GYPC: variants seen among roughly 807,000 people sequenced by gnomAD.
GYPC encodes glycophorin-C.
GYPC carries 14 observed loss-of-function variants against 12.6 expected under a neutral mutation model. The observed-to-expected ratio is 1.11, with a 90% CI of 0.74 to 1.74. The LOEUF (loss-of-function observed/expected upper bound fraction) is 1.74. Ranked by LOEUF, GYPC falls within the 40% of genes most tolerant of loss-of-function variation. The pLI is 0.00. For missense variants in GYPC, 225 were observed against 172.1 expected (o/e 1.31, Z -1.72); for synonymous variants, 78 against 62.1 (o/e 1.26, Z -1.20).
chr2:126,672,545 C>T (rs1419329856), intron 1 of GYPC, among the ~76,000 whole-genome samples: 2 of 152,158 alleles, frequency 1.3e-5, no homozygotes, highest in South Asian at 4.1e-4. Context: ...CCCCTGTCCC[C>T]TCAGCACCTG....
intron 1 of GYPC, among the ~76,000 whole-genome samples, chr2:126,662,488 G>T (rs570347372): frequency 6.6e-6 from 1 of 152,250 alleles, no homozygotes; most frequent in South Asian, 2.1e-4. Context: ...TGAGGTTTTG[G>T]GTCTGGATCC....
In GYPC at chr2:126,656,277, G is replaced by C; in HGVS notation, c.14G>C (p.Arg5Thr). MWST[R>T]SPNSTAWPLS... ...TGACGCCCAGGAATGTGGTCGACGA[G>C]AAGCCCCAACAGCACGGCGTGGCCT... is the stretch of plus-strand genomic sequence containing the variant. The change falls in exon 1 of 4, where the codon AGA becomes ACA. Residue 5 changes from arginine to threonine, a missense_variant. Coordinates refer to ENST00000259254, the MANE Select transcript of GYPC (RefSeq NM_002101.5). 6.2e-7 allele frequency: 1 copy of C among 1,603,788 alleles called. No individual in the cohort carries two copies. The highest frequency in any genetic ancestry group is 2.3e-5 in the East Asian group (1 of 44,338).
Position 126,696,012 on chromosome 2 carries a change from G to A in GYPC, c.257G>A (p.Arg86Gln), listed in dbSNP as rs139816143. ...TTCGTCATGCTGCGCTACATGTACC[G>A]GCACAAGGGCACGTACCACACCAAT... ...LLFVMLRYMY[R>Q]HKGTYHTNEA... is the part of the protein sequence containing the mutation. The change falls in exon 4 of 4, where the codon CGG (arginine) becomes CAG (glutamine). Residue 86 changes from arginine to glutamine, a missense_variant. Arg to Gln is a conservative substitution (Grantham distance 43). Transcript: ENST00000259254. The A allele has an allele frequency of 4.3e-5, 70 of 1,613,934 alleles. No homozygotes were observed. Among genetic ancestry groups the A allele is most frequent in the Non-Finnish European group, 5.0e-5 (59 of 1,179,950 alleles).
chr2:126,691,134 G>T (rs1683450707), intron 2 of GYPC, among the ~76,000 whole-genome samples: 1 of 152,150 alleles, frequency 6.6e-6, no homozygotes, highest in Non-Finnish European at 1.5e-5. Context: ...CTATAAAGGT[G>T]GGACTTGGGA....
At chr2:126,679,275 G>A (rs1336748730) in intron 1 of GYPC, among the ~76,000 whole-genome samples, 1 of 152,168 alleles carries the variant, frequency 6.6e-6, no homozygotes, top group Non-Finnish European at 1.5e-5. Context: ...CACATGCAGA[G>A]GATGCCAGCT....
intron 1 of GYPC, among the ~76,000 whole-genome samples, chr2:126,672,428 C>T (rs991359400): frequency 1.3e-5 from 2 of 152,150 alleles, no homozygotes; most frequent in African/African-American, 4.8e-5. Context: ...CACACATACA[C>T]GCATACACAC....
At chr2:126,656,733 T>C (rs535193894) in intron 1 of GYPC, among the ~76,000 whole-genome samples, 287 of 152,330 alleles carry the variant, frequency 1.9e-3, no homozygotes, top group African/African-American at 6.6e-3. Flanking sequence ...CAGGCTCCGG[T>C]GAACTCCAGG....
At chr2:126,683,847 C>A (rs1184813660) in intron 1 of GYPC, among the ~76,000 whole-genome samples, 1 of 152,200 alleles carries the variant, frequency 6.6e-6, no homozygotes, top group Non-Finnish European at 1.5e-5. Context: ...CTGACTCTGC[C>A]TTCTGAGTGT....
chr2:126,661,467 T>TG (rs918632626), intron 1 of GYPC, among the ~76,000 whole-genome samples: 23 of 151,406 alleles, frequency 1.5e-4, no homozygotes, highest in African/African-American at 5.4e-4. Flanking sequence ...TTTTTTTTTT[T>TG]TTGATACGGA....
chr2:126,690,770 G>A (rs543312244), intron 2 of GYPC, among the ~76,000 whole-genome samples: 17 of 152,172 alleles, frequency 1.1e-4, no homozygotes, highest in African/African-American at 2.9e-4. Context: ...AAGGAAACTT[G>A]AGCCTGCCTT....
At chr2:126,694,280 C>T (rs1683576099) in intron 3 of GYPC, among the ~76,000 whole-genome samples, 1 of 152,136 alleles carries the variant, frequency 6.6e-6, no homozygotes, top group South Asian at 2.1e-4. Flanking sequence ...ACTTAGACTT[C>T]TCCACCATCT....
intron 1 of GYPC, chr2:126,680,140 T>C (rs1002189625): frequency 6.6e-6 from 1 of 152,172 alleles, no homozygotes; most frequent in African/African-American, 2.4e-5. Context: ...AGGAGCCAAA[T>C]CTCATATTTC....
In GYPC at chr2:126,656,214, G is replaced by T; in HGVS notation, c.-50G>T. ...GCGCGACCCTCCCCCGGCCCGGCCTGGCCCGGCCTGGCCAGTCCCCGCGGT... is the reference window on the plus strand; with the variant it reads ...GCGCGACCCTCCCCCGGCCCGGCCTTGCCCGGCCTGGCCAGTCCCCGCGGT... On this transcript the variant is annotated 5_prime_UTR_variant, in exon 1 of 4. Transcript: ENST00000259254. 6.4e-7 allele frequency: 1 copy of T among 1,566,602 alleles called. No individual in the cohort carries two copies. The highest frequency in any genetic ancestry group is 8.6e-7 in the Non-Finnish European group (1 of 1,159,560).
chr2:126,688,632 T>C (rs1271448954), intron 1 of GYPC, among the ~76,000 whole-genome samples: 2 of 152,182 alleles, frequency 1.3e-5, no homozygotes, highest in African/African-American at 2.4e-5. Context: ...ACTGGGTCTC[T>C]TGGCGGCCTC....
chr2:126,674,807 A>C (rs1443790546), intron 1 of GYPC, among the ~76,000 whole-genome samples: 4 of 152,082 alleles, frequency 2.6e-5, no homozygotes, highest in Non-Finnish European at 5.9e-5. Flanking sequence ...ACACACACAC[A>C]CCCTGTTTGA....
intron 1 of GYPC, among the ~76,000 whole-genome samples, chr2:126,677,454 A>T (rs369950262): frequency 3.0e-4 from 44 of 145,292 alleles, no homozygotes; most frequent in African/African-American, 1.1e-3. Flanking sequence ...TGTGTGTATA[A>T]GAGTGTGACA....
Position 126,696,486 on chromosome 2 carries a change from C to T in GYPC, c.*344C>T. 1 of 367,536 alleles carries T rather than the reference C, an allele frequency of 2.7e-6. No homozygotes were observed. Among genetic ancestry groups the T allele is most frequent in the Non-Finnish European group, 5.2e-6 (1 of 190,870 alleles). 22.8% of individuals were successfully genotyped at this position (367,536 alleles called of 1,614,324 possible). A position where few individuals can be genotyped will look rare whatever the true frequency, so the allele number is the denominator to read the frequency against. ...AGTCCTTGTTGAGGGTGAGGGGGTG[C>T]TGGGGTACCCGGGGGCTGGGGAAGC... On this transcript the variant is annotated 3_prime_UTR_variant, in exon 4 of 4. Coordinates refer to ENST00000259254, the MANE Select transcript of GYPC (RefSeq NM_002101.5).
At chr2:126,690,899 T>C (rs1338604723) in intron 2 of GYPC, among the ~76,000 whole-genome samples, 1 of 151,944 alleles carries the variant, frequency 6.6e-6, no homozygotes, top group East Asian at 1.9e-4. Context: ...TTCTTTGAGA[T>C]CCACACTTCT....
Position 126,686,359 on chromosome 2 carries a change from C to T in GYPC, c.50-3896C>T, listed in dbSNP as rs575405127. 8.1e-6 allele frequency: 8 copies of T among 985,704 alleles called. No individual in the cohort carries two copies. In the South Asian group the frequency reaches 2.4e-4, roughly 29 times the overall value. The allele number at this position is 985,704 out of a possible 1,614,324, so 61.1% of individuals were successfully genotyped here. Reference sequence around the variant, plus strand: ...ACTGCAGGGTTGTGCCTGTGTGCCCCGCTGCCTCCAGGGGTGGCTGCCTTC... The same window carrying T: ...ACTGCAGGGTTGTGCCTGTGTGCCCTGCTGCCTCCAGGGGTGGCTGCCTTC... On this transcript the variant is annotated intron_variant, in intron 1 of 3. Coordinates refer to ENST00000259254, the MANE Select transcript of GYPC (RefSeq NM_002101.5).
Sources: gnomAD v4.1 joint callset for allele counts (sites outside exome capture counted in the v4.1 genomes callset) on GRCh38, gnomAD v4.1.1 for gene constraint, MANE v1.5 for transcripts, NCBI Gene and HGNC (gene_info 2026-07-23, HGNC 2026-07-21) for gene names.